ABHD17C: variants seen among roughly 807,000 people sequenced by gnomAD.
ABHD17C encodes abhydrolase domain containing 17C, depalmitoylase, also known as alpha/beta hydrolase domain-containing protein 17C.
A neutral mutation model predicts 27.9 loss-of-function variants in ABHD17C; 11 were observed. The observed-to-expected ratio is 0.39, with a 90% CI of 0.25 to 0.65. The LOEUF (loss-of-function observed/expected upper bound fraction) is 0.65. Among genes scored for constraint, ABHD17C ranks in the 30% least tolerant of loss-of-function variants. The pLI, the probability that ABHD17C is intolerant of heterozygous loss-of-function variation, is 0.45. For synonymous variants in ABHD17C, 233 were observed against 209.1 expected, an observed-to-expected ratio of 1.11 and a Z score of -0.98; for missense variants, 280 against 470.2, an observed-to-expected ratio of 0.60 and a Z score of 3.74.
At chr15:80,742,182 C>T (rs966059929) in intron 1 of ABHD17C, among the ~76,000 whole-genome samples, 1 of 151,994 alleles carries the variant, frequency 6.6e-6, no homozygotes, top group African/African-American at 2.4e-5. Context: ...AGTTGCCTCA[C>T]GTGATTATGG....
At chr15:80,709,100 A>G (rs1894692254) in intron 1 of ABHD17C, among the ~76,000 whole-genome samples, 1 of 152,192 alleles carries the variant, frequency 6.6e-6, no homozygotes, top group Admixed American at 6.5e-5. Flanking sequence ...TGCAGTTTGT[A>G]TCATACCAGG....
At chr15:80,713,351 G>GTTTTTTTT (rs1596062478) in intron 1 of ABHD17C, among the ~76,000 whole-genome samples, 16 of 28,134 alleles carry the variant, frequency 5.7e-4, no homozygotes, top group East Asian at 2.9e-3. Flanking sequence ...CTGAGGTCTT[G>GTTTTTTTT]TTCTTTTTTT....
At chr15:80,749,267 A>G (rs1895333581) in intron 1 of ABHD17C, among the ~76,000 whole-genome samples, 1 of 152,200 alleles carries the variant, frequency 6.6e-6, no homozygotes, top group African/African-American at 2.4e-5. Flanking sequence ...GAAAAATAAT[A>G]TCATGTTTAT....
chr15:80,713,046 C>G (rs1894748158), intron 1 of ABHD17C, among the ~76,000 whole-genome samples: 1 of 152,122 alleles, frequency 6.6e-6, no homozygotes, highest in Non-Finnish European at 1.5e-5. Context: ...CAGTTCCACT[C>G]ACACTCCACC....
rs563252459 is a variant in ABHD17C, at chr15:80,710,192, A to G, written c.590+14173A>G. Among the ~76,000 whole-genome samples the G allele has an allele frequency of 5.3e-5, 8 of 152,190 alleles. No individual in the cohort carries two copies. The East Asian group carries it at 1.5e-3, about 29-fold the overall frequency. ...TGGGCTGAGGGACCAGGGTCCTAAG[A>G]TGGGGCATGGTTGGCAGATGTAGAG... On this transcript the variant is annotated intron_variant, in intron 1 of 2. Transcript: ENST00000258884.
intron 1 of ABHD17C, among the ~76,000 whole-genome samples, chr15:80,732,855 C>A (rs1213929654): frequency 6.6e-6 from 1 of 152,314 alleles, no homozygotes; most frequent in South Asian, 2.1e-4. Flanking sequence ...AGTGGGCCAG[C>A]ATTCAGGTTT....
intron 1 of ABHD17C, among the ~76,000 whole-genome samples, chr15:80,706,568 T>G (rs1284099899): frequency 6.6e-6 from 1 of 152,232 alleles, no homozygotes; most frequent in Non-Finnish European, 1.5e-5. Context: ...TAAAGGAGCC[T>G]GTGTTCAGAA....
chr15:80,701,887 ACC>A (rs764201257), intron 1 of ABHD17C, among the ~76,000 whole-genome samples: 1 of 152,100 alleles, frequency 6.6e-6, no homozygotes, highest in Non-Finnish European at 1.5e-5. Context: ...TCTTTGGTCC[ACC>A]TTCAGCCTGT....
chr15:80,713,382 T>TTTTTTTTTTTC (rs1567032390), intron 1 of ABHD17C, among the ~76,000 whole-genome samples: 1 of 96,044 alleles, frequency 1.0e-5, no homozygotes, highest in East Asian at 2.3e-4. Flanking sequence ...TTTTTTTTTT[T>TTTTTTTTTTTC]CAAAATCAGC....
At chr15:80,721,681 T>C (rs1035644905) in intron 1 of ABHD17C, among the ~76,000 whole-genome samples, 1 of 152,200 alleles carries the variant, frequency 6.6e-6, no homozygotes, top group African/African-American at 2.4e-5. Flanking sequence ...CAGTTTACAC[T>C]GAGGAAGGAA....
At chr15:80,726,978 A>T (rs570245453) in intron 1 of ABHD17C, among the ~76,000 whole-genome samples, 1 of 152,164 alleles carries the variant, frequency 6.6e-6, no homozygotes, top group Non-Finnish European at 1.5e-5. Context: ...GTGTGTCTGT[A>T]GCTGCCTAGT....
intron 1 of ABHD17C, among the ~76,000 whole-genome samples, chr15:80,720,114 T>C (rs966016803): frequency 2.0e-5 from 3 of 152,210 alleles, no homozygotes; most frequent in African/African-American, 4.8e-5. Context: ...TTTCTTTTTG[T>C]TGTTTAGAAA....
At chr15:80,736,273 GT>G (rs912481154) in intron 1 of ABHD17C, among the ~76,000 whole-genome samples, 1 of 151,728 alleles carries the variant, frequency 6.6e-6, no homozygotes, top group African/African-American at 2.4e-5. Context: ...ACGTGTTTTT[GT>G]TTTTTTTGAC....
At chr15:80,742,095 C>T (rs1450785784) in intron 1 of ABHD17C, among the ~76,000 whole-genome samples, 1 of 152,064 alleles carries the variant, frequency 6.6e-6, no homozygotes, top group Non-Finnish European at 1.5e-5. Context: ...TAATTGAAAC[C>T]GTGAAAAGCA....
chr15:80,713,348 C>CTTGT lies in ABHD17C; in HGVS notation c.590+17331_590+17334dup, dbSNP rs1894752768. Among the ~76,000 whole-genome samples the CTTGT allele has an allele frequency of 9.7e-5, 5 of 51,396 alleles. No individual in the cohort carries two copies. The South Asian group carries it at 4.3e-3, about 44-fold the overall frequency. 33.7% of individuals were successfully genotyped at this position (51,396 alleles called of 152,430 possible). A position where few individuals can be genotyped will look rare whatever the true frequency, so the allele number is the denominator to read the frequency against. ...GTTACCGAAGGAAAGCCACTGAGGT[C>CTTGT]TTGTTCTTTTTTTTTTTTTTTTTTT... On this transcript the variant is annotated intron_variant, in intron 1 of 2. Coordinates refer to ENST00000258884, the MANE Select transcript of ABHD17C (RefSeq NM_021214.2).
At chr15:80,728,744 T>G (rs1032453586) in intron 1 of ABHD17C, among the ~76,000 whole-genome samples, 2 of 152,178 alleles carry the variant, frequency 1.3e-5, no homozygotes, top group Non-Finnish European at 2.9e-5. Flanking sequence ...TCCTCCCAAG[T>G]AGTCAAATTA....
In ABHD17C at chr15:80,723,750, G is replaced by A. The variant is rs539132602; in HGVS notation, c.591-25763G>A. Among the ~76,000 whole-genome samples the A allele has an allele frequency of 2.6e-5, 4 of 152,338 alleles. No homozygotes were observed. The South Asian group carries it at 8.3e-4, about 32-fold the overall frequency. On this transcript the variant is annotated intron_variant, in intron 1 of 2. Coordinates refer to ENST00000258884, the MANE Select transcript of ABHD17C (RefSeq NM_021214.2). ...CCTGGGGCACACAGAATCAGTGCAG[G>A]AAGAGAGGCTGCTGCTTTGCGTGGC...
chr15:80,720,085 C>T (rs1344450494), intron 1 of ABHD17C, among the ~76,000 whole-genome samples: 1 of 152,234 alleles, frequency 6.6e-6, no homozygotes, highest in Non-Finnish European at 1.5e-5. Flanking sequence ...CAGGCGTGAG[C>T]TACCGCAACC....
At chr15:80,735,018 C>T (rs1225529545) in intron 1 of ABHD17C, among the ~76,000 whole-genome samples, 1 of 152,198 alleles carries the variant, frequency 6.6e-6, no homozygotes, top group African/African-American at 2.4e-5. Context: ...CTTCCAGAGC[C>T]TCTGCTGTTA....
Sources: allele counts gnomAD v4.1 joint callset (sites outside exome capture counted in the v4.1 genomes callset), GRCh38; gene constraint gnomAD v4.1.1; transcripts MANE v1.5; gene names NCBI Gene and HGNC (gene_info 2026-07-23, HGNC 2026-07-21).